The following FCHSD2 variants were observed in gnomAD, a reference collection of about 807,000 sequenced individuals.
The protein encoded by FCHSD2 is FCH and double SH3 domains 2.
Under a neutral mutation model 108.1 loss-of-function variants are expected in FCHSD2, and 38 were observed. That is an observed-to-expected ratio of 0.35 (90% CI 0.27 to 0.46). The LOEUF is 0.46. Among genes scored for constraint, FCHSD2 ranks in the 20% least tolerant of loss-of-function variants. The pLI, the probability that FCHSD2 is intolerant of heterozygous loss-of-function variation, is 1.00. For synonymous variants in FCHSD2, 279 were observed against 314.7 expected, an observed-to-expected ratio of 0.89 and a Z score of 1.20; for missense variants, 751 against 897.8, an observed-to-expected ratio of 0.84 and a Z score of 2.09.
chr11:73,044,808 C>T (rs961626335), intron 3 of FCHSD2, among the ~76,000 whole-genome samples: 11 of 152,204 alleles, frequency 7.2e-5, no homozygotes, highest in South Asian at 2.1e-4. Flanking sequence ...CAGTGGCTCA[C>T]GCCTGTAATC....
intron 3 of FCHSD2, among the ~76,000 whole-genome samples, chr11:73,059,721 T>G (rs1479298266): frequency 7.3e-6 from 1 of 136,902 alleles, no homozygotes; most frequent in East Asian, 1.9e-4. Context: ...GTTTTCTTTC[T>G]TTTTTTTTCT....
At chr11:72,934,711 A>G (rs1856266249) in intron 8 of FCHSD2, among the ~76,000 whole-genome samples, 1 of 152,174 alleles carries the variant, frequency 6.6e-6, no homozygotes, top group Non-Finnish European at 1.5e-5. Flanking sequence ...CAAGGTTTAT[A>G]TAAATGTGAG....
intron 2 of FCHSD2, among the ~76,000 whole-genome samples, chr11:73,100,402 T>G (rs2135532274): frequency 6.6e-6 from 1 of 152,198 alleles, no homozygotes; most frequent in African/African-American, 2.4e-5. Context: ...TCACTCTTGT[T>G]GCCCAGGCTG....
intron 3 of FCHSD2, among the ~76,000 whole-genome samples, chr11:73,072,903 C>CA (rs1383913080): frequency 6.6e-6 from 1 of 152,094 alleles, no homozygotes; most frequent in Non-Finnish European, 1.5e-5. Flanking sequence ...GTAAAAATAG[C>CA]AAAAAATTTT....
intron 8 of FCHSD2, among the ~76,000 whole-genome samples, chr11:72,952,197 C>T (rs1856632695): frequency 6.6e-6 from 1 of 152,072 alleles, no homozygotes; most frequent in East Asian, 1.9e-4. Flanking sequence ...TCTCTCTTCT[C>T]TATCTTAATA....
Position 73,009,015 on chromosome 11 carries a change from A to T in FCHSD2, c.242+6794T>A, listed in dbSNP as rs1272857208. Among the ~76,000 whole-genome samples, 8 of 152,160 alleles carry T rather than the reference A, an allele frequency of 5.3e-5. No homozygotes were observed. In the South Asian group the frequency reaches 1.7e-3, roughly 32 times the overall value. On this transcript the variant is annotated intron_variant, in intron 4 of 19. Coordinates refer to ENST00000409418, the MANE Select transcript of FCHSD2 (RefSeq NM_014824.3). ...ATTTTTGAGAAGCATTTACATAGAA[A>T]GGAATGAAAACCTGTTCTCAAATTT...
intron 9 of FCHSD2, among the ~76,000 whole-genome samples, chr11:72,920,113 T>G (rs182967548): frequency 6.6e-6 from 1 of 151,784 alleles, no homozygotes; most frequent in Non-Finnish European, 1.5e-5. Context: ...TGTAAGACAG[T>G]AGAAATAATG....
intron 1 of FCHSD2, among the ~76,000 whole-genome samples, chr11:73,141,647 T>TA (rs1209451720): frequency 6.6e-6 from 1 of 152,156 alleles, no homozygotes; most frequent in South Asian, 2.1e-4. Context: ...TCTCCTGCGT[T>TA]AGAGGACGGA....
chr11:73,071,786 T>G (rs902378661), intron 3 of FCHSD2, among the ~76,000 whole-genome samples: 3 of 152,106 alleles, frequency 2.0e-5, no homozygotes, highest in Non-Finnish European at 4.4e-5. Flanking sequence ...CTTGTCTTGG[T>G]GTCCACAATT....
chr11:73,022,137 A>G (rs964427105), intron 3 of FCHSD2, among the ~76,000 whole-genome samples: 17 of 152,114 alleles, frequency 1.1e-4, no homozygotes, highest in Non-Finnish European at 8.8e-5. Context: ...ACTAAACGAC[A>G]CACATAAAAC....
At chr11:73,057,494 A>G (rs1254196502) in intron 3 of FCHSD2, among the ~76,000 whole-genome samples, 2 of 152,154 alleles carry the variant, frequency 1.3e-5, no homozygotes, top group African/African-American at 4.8e-5. Context: ...CCAGAAAACT[A>G]TATTAAAAAG....
Position 72,840,863 on chromosome 11 carries a change from G to C in FCHSD2, c.2139+14C>G. On this transcript the variant is annotated intron_variant, in intron 19 of 19. Coordinates refer to ENST00000409418, the MANE Select transcript of FCHSD2 (RefSeq NM_014824.3). ...AACTATGCATTCGATAATCCTGCAA[G>C]ATCAGAGACTTACAGGTCGCAGTTT... 6.3e-7 allele frequency: 1 copy of C among 1,579,712 alleles called. No homozygotes were observed. The highest frequency in any genetic ancestry group is 1.1e-5 in the South Asian group (1 of 90,356).
chr11:72,944,577 G>T (rs1296514668), intron 8 of FCHSD2, among the ~76,000 whole-genome samples: 3 of 152,120 alleles, frequency 2.0e-5, no homozygotes, highest in African/African-American at 4.8e-5. Flanking sequence ...AGGAAATAAA[G>T]AGTATTTAAT....
chr11:73,007,011 T>C (rs1001399040), intron 4 of FCHSD2, among the ~76,000 whole-genome samples: 2 of 152,198 alleles, frequency 1.3e-5, no homozygotes, highest in Non-Finnish European at 2.9e-5. Flanking sequence ...ATATAGTTTA[T>C]ACCAAGACTT....
intron 8 of FCHSD2, among the ~76,000 whole-genome samples, chr11:72,954,196 ATTTTTTTT>A (rs57517075): frequency 1.5e-4 from 17 of 111,682 alleles, no homozygotes; most frequent in African/African-American, 4.8e-4. Context: ...AGATGTGGGG[ATTTTTTTT>A]TTTTTTTTTT....
chr11:73,111,297 T>C (rs1243048210), intron 2 of FCHSD2, among the ~76,000 whole-genome samples: 1 of 152,208 alleles, frequency 6.6e-6, no homozygotes, highest in Admixed American at 6.5e-5. Flanking sequence ...GGTGCTCCAG[T>C]ATTGGGTACA....
At chr11:73,017,562 T>G (rs1858001353) in intron 3 of FCHSD2, among the ~76,000 whole-genome samples, 1 of 152,148 alleles carries the variant, frequency 6.6e-6, no homozygotes, top group Non-Finnish European at 1.5e-5. Flanking sequence ...TTGGCAACAA[T>G]TTGGTTTCAC....
chr11:72,894,581 G>A (rs530372220), intron 10 of FCHSD2, among the ~76,000 whole-genome samples: 1 of 152,116 alleles, frequency 6.6e-6, no homozygotes, highest in East Asian at 1.9e-4. Flanking sequence ...TTAATATATG[G>A]TTAATTATTT....
chr11:73,012,450 T>C (rs1311683238), intron 4 of FCHSD2, among the ~76,000 whole-genome samples: 4 of 152,246 alleles, frequency 2.6e-5, no homozygotes, highest in African/African-American at 4.8e-5. Flanking sequence ...ATATTCTTTA[T>C]ACTCCTGTAC....
Sources: gnomAD v4.1 joint callset for allele counts (sites outside exome capture counted in the v4.1 genomes callset) on GRCh38, gnomAD v4.1.1 for gene constraint, MANE v1.5 for transcripts, NCBI Gene and HGNC (gene_info 2026-07-23, HGNC 2026-07-21) for gene names.